Variants in TMEM63C observed in about 807,000 individuals in gnomAD.
The protein encoded by TMEM63C is transmembrane protein 63C.
A neutral mutation model predicts 99.2 loss-of-function variants in TMEM63C; 32 were observed. The observed-to-expected ratio is 0.32, with a 90% CI of 0.24 to 0.43. The LOEUF is 0.43. TMEM63C is among the 20% of genes least tolerant of loss of function. TMEM63C has a pLI of 1.00. For missense variants in TMEM63C, 826 were observed against 1,053.0 expected, an observed-to-expected ratio of 0.78 and a Z score of 2.98; for synonymous variants, 376 against 397.9, an observed-to-expected ratio of 0.94 and a Z score of 0.66.
chr14:77,251,994 G>A, intron 22 of TMEM63C, 96 bp downstream of exon 22: 2 of 991,124 alleles, frequency 2.0e-6, no homozygotes, highest in Non-Finnish European at 3.2e-6. Context: ...TAGCACCACA[G>A]GATGAAAGGG....
chr14:77,190,870 C>T (rs898246691), intron 1 of TMEM63C, among the ~76,000 whole-genome samples: 2 of 152,022 alleles, frequency 1.3e-5, no homozygotes, highest in African/African-American at 2.4e-5. Context: ...TTTAATACCA[C>T]TCTAGAGGTA....
chr14:77,197,571 C>G (rs141918836), intron 1 of TMEM63C, among the ~76,000 whole-genome samples: 1 of 152,334 alleles, frequency 6.6e-6, no homozygotes, highest in East Asian at 1.9e-4. Context: ...CTGTAAAGTA[C>G]TTGAAACAAC....
rs1889476831 is a variant in TMEM63C at position 77,257,057 on chromosome 14, A to G, written c.*331A>G. On this transcript the variant is annotated 3_prime_UTR_variant, in exon 24 of 24. Transcript: ENST00000298351. Reference sequence around the variant, plus strand: ...GGACCAAGATGGAGAAGGTGTTCCTAAGGGAGGAGACAGAAGGAGGCTGCC... The same window carrying G: ...GGACCAAGATGGAGAAGGTGTTCCTGAGGGAGGAGACAGAAGGAGGCTGCC... The G allele has an allele frequency of 3.7e-6, 1 of 268,318 alleles. No individual in the cohort carries two copies. The highest frequency in any genetic ancestry group is 7.1e-6 in the Non-Finnish European group (1 of 140,030). 16.6% of individuals were successfully genotyped at this position (268,318 alleles called of 1,614,324 possible).
chr14:77,226,122 A>C (rs1001389174), intron 6 of TMEM63C, among the ~76,000 whole-genome samples: 8 of 152,100 alleles, frequency 5.3e-5, no homozygotes, highest in Non-Finnish European at 1.2e-4. Flanking sequence ...TCATACATAC[A>C]CGCACACACA....
rs2140130715 is a variant in TMEM63C, at chr14:77,248,377, C to T, written c.1632C>T (p.Phe544=). Residue 544 remains phenylalanine, a synonymous_variant, in exon 19 of 24, where the codon TTC becomes TTT. Transcript: ENST00000298351. ...QCVFLPDNGA[F]FVNYVITAAL... ...TGTTCCTGCCAGACAACGGCGCCTT[C>T]TTTGTCAACTACGTGATCACGGCAG... is the stretch of plus-strand genomic sequence containing the variant. 1 of 1,611,524 alleles carries T rather than the reference C, an allele frequency of 6.2e-7. No homozygotes were observed. The highest frequency in any genetic ancestry group is 1.3e-5 in the African/African-American group (1 of 74,960).
chr14:77,254,815 G>A (rs897976481), intron 23 of TMEM63C, among the ~76,000 whole-genome samples: 7 of 152,108 alleles, frequency 4.6e-5, no homozygotes, highest in African/African-American at 1.7e-4. Context: ...ATTATAGGGG[G>A]AAAGGATAAG....
intron 9 of TMEM63C, among the ~76,000 whole-genome samples, chr14:77,236,956 C>T (rs986517993): frequency 3.2e-5 from 4 of 123,526 alleles, no homozygotes; most frequent in Non-Finnish European, 5.1e-5. Flanking sequence ...CACCCTCCTC[C>T]ACGCTGCTCC....
chr14:77,194,398 G>GA (rs1184017642), intron 1 of TMEM63C, among the ~76,000 whole-genome samples: 6 of 148,022 alleles, frequency 4.1e-5, no homozygotes, highest in Non-Finnish European at 7.5e-5. Flanking sequence ...TCATATTTCT[G>GA]AAAAAAATTC....
intron 1 of TMEM63C, among the ~76,000 whole-genome samples, chr14:77,186,254 C>G (rs1438954946): frequency 6.6e-6 from 1 of 152,098 alleles, no homozygotes; most frequent in Non-Finnish European, 1.5e-5. Flanking sequence ...CTCAGGTGAT[C>G]CACTCATCTC....
chr14:77,231,632 A>C lies in TMEM63C; in HGVS notation c.395A>C (p.Tyr132Ser). ...AAGTGTGGGGACGACGCGCGCATCT[A>C]CATCGTGTTCCAGTACCACCTCATC... ...INKCGDDARIYIVFQYHLIIF... is the reference protein window; with the variant it reads ...INKCGDDARISIVFQYHLIIF... Residue 132 changes from tyrosine to serine, a missense_variant, in exon 7 of 24, where the codon TAC becomes TCC. By Grantham distance (144) the Tyr-to-Ser change is moderately radical. Transcript: ENST00000298351. 6.4e-7 allele frequency: 1 copy of C among 1,551,614 alleles called. No individual in the cohort carries two copies. Among genetic ancestry groups the C allele is most frequent in the Non-Finnish European group, 8.7e-7 (1 of 1,146,970 alleles).
chr14:77,233,964 T>G (rs562247036), intron 8 of TMEM63C, among the ~76,000 whole-genome samples: 1 of 152,210 alleles, frequency 6.6e-6, no homozygotes, highest in African/African-American at 2.4e-5. Context: ...TCTGAAGCAG[T>G]GCACCCCCAA....
chr14:77,224,152 C>T (rs1177100865), intron 5 of TMEM63C, among the ~76,000 whole-genome samples: 2 of 151,980 alleles, frequency 1.3e-5, no homozygotes, highest in Non-Finnish European at 2.9e-5. Flanking sequence ...ATCAGCCAAC[C>T]CAACACAGGG....
chr14:77,199,357 T>C (rs996965764), intron 1 of TMEM63C, among the ~76,000 whole-genome samples: 1 of 152,162 alleles, frequency 6.6e-6, no homozygotes, highest in Non-Finnish European at 1.5e-5. Context: ...CCGCACTGCC[T>C]ACACAGTCAA....
intron 1 of TMEM63C, 85 bp downstream of exon 1, chr14:77,181,979 G>C (rs917406603): frequency 6.6e-6 from 1 of 152,458 alleles, no homozygotes; most frequent in African/African-American, 2.4e-5. Flanking sequence ...CGCACGGGGA[G>C]GGGGCGGGGA....
At chr14:77,205,639 G>A (rs1442025520) in intron 1 of TMEM63C, among the ~76,000 whole-genome samples, 1 of 152,232 alleles carries the variant, frequency 6.6e-6, no homozygotes, top group Non-Finnish European at 1.5e-5. Context: ...GGGGAGGAAT[G>A]GAGGGGGCAG....
chr14:77,196,770 T>A (rs1299360539), intron 1 of TMEM63C, among the ~76,000 whole-genome samples: 1 of 152,222 alleles, frequency 6.6e-6, no homozygotes, highest in Non-Finnish European at 1.5e-5. Context: ...GTATCAATAG[T>A]GTAGTTTCCA....
At chr14:77,204,622 C>A (rs753148677) in intron 1 of TMEM63C, among the ~76,000 whole-genome samples, 7 of 152,172 alleles carry the variant, frequency 4.6e-5, no homozygotes, top group African/African-American at 1.4e-4. Flanking sequence ...CTTCCCTTTG[C>A]GGGGAGGTGT....
chr14:77,218,654 G>A (rs142304566), intron 2 of TMEM63C, 147 bp from the exon 3 acceptor site: 19 of 676,368 alleles, frequency 2.8e-5, no homozygotes, highest in Non-Finnish European at 3.7e-5. Context: ...GTGCCGTCTC[G>A]TGGGCTGGCC....
chr14:77,248,535 C>T (rs1889304630), intron 19 of TMEM63C, 26 bp downstream of exon 19: 1 of 1,565,848 alleles, frequency 6.4e-7, no homozygotes, highest in East Asian at 2.4e-5. Flanking sequence ...CCGCTGAGCA[C>T]AGCCCTCAGT....
Sources: gnomAD v4.1 joint callset for allele counts (sites outside exome capture counted in the v4.1 genomes callset) on GRCh38, gnomAD v4.1.1 for gene constraint, MANE v1.5 for transcripts, NCBI Gene and HGNC (gene_info 2026-07-23, HGNC 2026-07-21) for gene names.